The following TRPC1 variants were observed in gnomAD, a reference collection of about 807,000 sequenced individuals.
The protein encoded by TRPC1 is short transient receptor potential channel 1.
TRPC1 carries 42 observed loss-of-function variants against 88.2 expected under a neutral mutation model. The ratio of observed to expected loss-of-function variants is 0.48; its 90% CI spans 0.37 to 0.62. The LOEUF is 0.62. Ranked by LOEUF, TRPC1 falls within the 20% of genes least tolerant of loss-of-function variation. The pLI is 0.00. For synonymous variants in TRPC1, 288 were observed against 331.8 expected (o/e 0.87, Z 1.43); for missense variants, 699 against 957.3 (o/e 0.73, Z 3.56).
chr3:142,742,488 G>GT, intron 2 of TRPC1, among the ~76,000 whole-genome samples: 1 of 152,190 alleles, frequency 6.6e-6, no homozygotes, highest in Middle Eastern at 3.4e-3. Context: ...TTCAGGTAAA[G>GT]TCTGCCACTT....
intron 9 of TRPC1, among the ~76,000 whole-genome samples, chr3:142,795,062 A>T (rs1257074170): frequency 6.6e-6 from 1 of 152,126 alleles, no homozygotes. Flanking sequence ...TGAAATTTTC[A>T]CTGTGACCTG....
rs766526012 is a variant in TRPC1, at chr3:142,748,306, G to A, written c.478G>A (p.Val160Ile). 3 of 1,614,064 alleles carry A rather than the reference G, an allele frequency of 1.9e-6. No homozygotes were observed. The highest frequency in any genetic ancestry group is 2.5e-6 in the Non-Finnish European group (3 of 1,179,960). The change falls in exon 4 of 13, where the codon GTT becomes ATT. Residue 160 changes from valine to isoleucine, a missense_variant. Transcript: ENST00000476941. ...TCCTGAGTATTCAACAACTATGGAT[G>A]TTGCACCTGTCATTTTAGCTGCTCA... ...QNPEYSTTMD[V>I]APVILAAHRN... is the part of the protein sequence containing the mutation.
chr3:142,774,362 T>C (rs372388711), intron 4 of TRPC1, among the ~76,000 whole-genome samples: 1 of 152,232 alleles, frequency 6.6e-6, no homozygotes, highest in East Asian at 1.9e-4. Context: ...AGTTTCTGGT[T>C]GGTCCACTGC....
At chr3:142,756,367 T>TG (rs1237148446) in intron 4 of TRPC1, among the ~76,000 whole-genome samples, 2 of 151,592 alleles carry the variant, frequency 1.3e-5, no homozygotes, top group Non-Finnish European at 2.9e-5. Flanking sequence ...GGTTCTTTTT[T>TG]TTTTTTTTTT....
At chr3:142,801,026 A>C (rs1294744970) in intron 9 of TRPC1, among the ~76,000 whole-genome samples, 1 of 152,092 alleles carries the variant, frequency 6.6e-6, no homozygotes, top group African/African-American at 2.4e-5. Flanking sequence ...CTTCCTATGC[A>C]TATTAAAGCA....
intron 9 of TRPC1, among the ~76,000 whole-genome samples, chr3:142,799,530 G>A (rs541305564): frequency 1.3e-5 from 2 of 152,216 alleles, no homozygotes; most frequent in East Asian, 1.9e-4. Flanking sequence ...GTCAGGCCGG[G>A]CATGGTGGAA....
chr3:142,729,156 G>A (rs1020813726), intron 1 of TRPC1, among the ~76,000 whole-genome samples: 2 of 152,200 alleles, frequency 1.3e-5, no homozygotes, highest in Non-Finnish European at 2.9e-5. Flanking sequence ...CTCAAATTGC[G>A]AAAATCTTAG....
At chr3:142,796,902 G>C (rs1225813282) in intron 9 of TRPC1, among the ~76,000 whole-genome samples, 2 of 152,114 alleles carry the variant, frequency 1.3e-5, no homozygotes, top group East Asian at 3.9e-4. Context: ...TACTCCTGCT[G>C]TCCAAGGGAC....
chr3:142,764,681 G>A (rs1935323051), intron 4 of TRPC1, among the ~76,000 whole-genome samples: 1 of 152,054 alleles, frequency 6.6e-6, no homozygotes, highest in Non-Finnish European at 1.5e-5. Flanking sequence ...TTCTGTAGCT[G>A]ATTTTAGGGT....
intron 1 of TRPC1, among the ~76,000 whole-genome samples, chr3:142,733,113 G>A (rs1933992999): frequency 6.8e-6 from 1 of 146,164 alleles, no homozygotes; most frequent in Admixed American, 6.7e-5. Flanking sequence ...GCTGTAGCAG[G>A]GTGGAACCTT....
intron 9 of TRPC1, among the ~76,000 whole-genome samples, chr3:142,796,414 AT>A (rs1315513187): frequency 6.6e-6 from 1 of 152,104 alleles, no homozygotes; most frequent in Non-Finnish European, 1.5e-5. Flanking sequence ...CAGTTGGATA[AT>A]TTAGACAGAA....
At chr3:142,786,629 T>C (rs1223307494) in intron 7 of TRPC1, among the ~76,000 whole-genome samples, 1 of 152,190 alleles carries the variant, frequency 6.6e-6, no homozygotes, top group Admixed American at 6.5e-5. Context: ...TATATTGGAC[T>C]GTGGGACTCT....
At chr3:142,801,685 C>G (rs931163232) in intron 9 of TRPC1, among the ~76,000 whole-genome samples, 1 of 152,104 alleles carries the variant, frequency 6.6e-6, no homozygotes, top group Non-Finnish European at 1.5e-5. Flanking sequence ...GAAATTAGGG[C>G]AGTCCCATAG....
chr3:142,735,022 T>C (rs1445749330), intron 1 of TRPC1, among the ~76,000 whole-genome samples: 1 of 151,762 alleles, frequency 6.6e-6, no homozygotes, highest in Non-Finnish European at 1.5e-5. Flanking sequence ...TGACTTAGAG[T>C]ATCACTTTGT....
chr3:142,728,053 G>C (rs1048061565), intron 1 of TRPC1, among the ~76,000 whole-genome samples: 1 of 151,900 alleles, frequency 6.6e-6, no homozygotes, highest in Non-Finnish European at 1.5e-5. Flanking sequence ...TGCATAAACT[G>C]TTTGATTTGC....
chr3:142,805,169 C>CACAT (rs1553810254), intron 12 of TRPC1, among the ~76,000 whole-genome samples: 2 of 143,870 alleles, frequency 1.4e-5, no homozygotes, highest in Non-Finnish European at 3.1e-5. Flanking sequence ...CACACACACA[C>CACAT]ATATAATTAT....
chr3:142,733,922 A>G (rs1577942588), intron 1 of TRPC1, among the ~76,000 whole-genome samples: 1 of 152,262 alleles, frequency 6.6e-6, no homozygotes, highest in South Asian at 2.1e-4. Flanking sequence ...CATTGCAGGG[A>G]TTTGAGTCTT....
intron 3 of TRPC1, among the ~76,000 whole-genome samples, chr3:142,747,772 A>G (rs1934609163): frequency 6.6e-6 from 1 of 152,180 alleles, no homozygotes; most frequent in Non-Finnish European, 1.5e-5. Flanking sequence ...AGTGCTTCCT[A>G]TTGCCCTTTT....
chr3:142,743,111 G>A, intron 2 of TRPC1, among the ~76,000 whole-genome samples: 1 of 152,012 alleles, frequency 6.6e-6, no homozygotes, highest in Admixed American at 6.6e-5. Flanking sequence ...GTTCTTGACA[G>A]TTTCTTTTAT....
Sources: allele counts gnomAD v4.1 joint callset (sites outside exome capture counted in the v4.1 genomes callset), GRCh38; gene constraint gnomAD v4.1.1; transcripts MANE v1.5; gene names NCBI Gene and HGNC (gene_info 2026-07-23, HGNC 2026-07-21).